The following ZFHX3 variants were observed in gnomAD, a reference collection of about 807,000 sequenced individuals.
The protein encoded by ZFHX3 is zinc finger homeobox protein 3.
Under a neutral mutation model 279.1 loss-of-function variants are expected in ZFHX3, and 42 were observed. That is an observed-to-expected ratio of 0.15 (90% CI 0.12 to 0.19). The LOEUF (loss-of-function observed/expected upper bound fraction) is 0.19, where lower values mean the gene tolerates loss of function less well. Ranked by LOEUF, ZFHX3 falls within the 10% of genes least tolerant of loss-of-function variation. The pLI, the probability that ZFHX3 is intolerant of heterozygous loss-of-function variation, is 1.00. For missense variants in ZFHX3, 4,981 were observed against 4,754.0 expected, an observed-to-expected ratio of 1.05 and a Z score of -1.40; for synonymous variants, 2,293 against 1,957.8, an observed-to-expected ratio of 1.17 and a Z score of -4.52.
intron 2 of ZFHX3, among the ~76,000 whole-genome samples, chr16:73,648,198 C>T (rs74030152): frequency 0.02 from 2,987 of 152,128 alleles, 92 homozygotes; most frequent in African/African-American, 0.068. Flanking sequence ...TATATGGATG[C>T]CGACTGATGC....
chr16:73,723,730 A>G (rs2053495563), intron 1 of ZFHX3, among the ~76,000 whole-genome samples: 2 of 152,204 alleles, frequency 1.3e-5, no homozygotes, highest in African/African-American at 2.4e-5. Context: ...TAAGCCAATG[A>G]GTTATATGAC....
chr16:73,315,906 C>T (rs2015436566), intron 4 of ZFHX3, among the ~76,000 whole-genome samples: 1 of 152,146 alleles, frequency 6.6e-6, no homozygotes, highest in South Asian at 2.1e-4. Context: ...GGTGTTGCTA[C>T]TAAAGTAGGC....
intron 1 of ZFHX3, among the ~76,000 whole-genome samples, chr16:73,700,559 T>C (rs1484180688): frequency 6.6e-6 from 1 of 152,210 alleles, no homozygotes; most frequent in Non-Finnish European, 1.5e-5. Flanking sequence ...TCACAGTAGA[T>C]TTTCTGAAAC....
chr16:73,184,753 G>C (rs1451411735), intron 5 of ZFHX3, among the ~76,000 whole-genome samples: 1 of 152,292 alleles, frequency 6.6e-6, no homozygotes, highest in East Asian at 1.9e-4. Context: ...TTCAATGTCA[G>C]TGAAACCCTA....
intron 2 of ZFHX3, among the ~76,000 whole-genome samples, chr16:73,652,218 G>A (rs557873598): frequency 1.3e-5 from 2 of 152,140 alleles, no homozygotes; most frequent in Non-Finnish European, 2.9e-5. Flanking sequence ...CAAAGTGAGG[G>A]CTCCCACATG....
intron 2 of ZFHX3, among the ~76,000 whole-genome samples, chr16:73,625,151 T>C (rs923359268): frequency 5.3e-5 from 8 of 152,228 alleles, no homozygotes; most frequent in African/African-American, 1.2e-4. Context: ...AAACATACCA[T>C]ACTTTTATTT....
intron 2 of ZFHX3, among the ~76,000 whole-genome samples, chr16:73,651,869 A>G (rs932926783): frequency 3.3e-5 from 5 of 151,432 alleles, no homozygotes; most frequent in Non-Finnish European, 7.4e-5. Flanking sequence ...AAAAAAAAAA[A>G]AGAGACAAAT....
At chr16:73,190,190 C>T (rs1967998945) in intron 5 of ZFHX3, among the ~76,000 whole-genome samples, 1 of 152,230 alleles carries the variant, frequency 6.6e-6, no homozygotes, top group South Asian at 2.1e-4. Context: ...AAGCTGCTGA[C>T]ATGTGTAATG....
At chr16:73,845,190 G>T (rs1053497700) in intron 1 of ZFHX3, among the ~76,000 whole-genome samples, 7 of 152,206 alleles carry the variant, frequency 4.6e-5, no homozygotes, top group Non-Finnish European at 1.5e-5. Flanking sequence ...CATAGGAAGT[G>T]CGTTCGTGGA....
chr16:73,177,173 GCCAA>G (rs10616305), intron 5 of ZFHX3, among the ~76,000 whole-genome samples: 40,787 of 151,670 alleles, frequency 0.27, 5,880 homozygotes, highest in East Asian at 0.4. Flanking sequence ...CAACCAACCA[GCCAA>G]CCAACCAACC....
chr16:73,472,872 C>T (rs771776031), intron 2 of ZFHX3, among the ~76,000 whole-genome samples: 5 of 152,168 alleles, frequency 3.3e-5, no homozygotes, highest in Non-Finnish European at 5.9e-5. Context: ...TCTATTGCCA[C>T]CTTGGTCCAC....
chr16:73,325,928 A>ACAAAAAC (rs1567451240), intron 3 of ZFHX3, among the ~76,000 whole-genome samples: 6 of 145,492 alleles, frequency 4.1e-5, no homozygotes, highest in Non-Finnish European at 7.6e-5. Context: ...CACACACACA[A>ACAAAAAC]ACACACACAC....
chr16:73,013,351 G>A (rs1167814083), intron 1 of ZFHX3, among the ~76,000 whole-genome samples: 1 of 152,068 alleles, frequency 6.6e-6, no homozygotes, highest in Non-Finnish European at 1.5e-5. Context: ...GCAGTAGTAC[G>A]ATGTTGGCTC....
At chr16:72,885,046 G>A (rs2038590184) in intron 4 of ZFHX3, among the ~76,000 whole-genome samples, 1 of 152,246 alleles carries the variant, frequency 6.6e-6, no homozygotes, top group Non-Finnish European at 1.5e-5. Flanking sequence ...GTTAGTTACT[G>A]TCTTTGAGAG....
chr16:72,875,981 G>C (rs1025359691), intron 4 of ZFHX3, among the ~76,000 whole-genome samples: 1 of 152,108 alleles, frequency 6.6e-6, no homozygotes, highest in African/African-American at 2.4e-5. Flanking sequence ...GTTGAAATGA[G>C]CTTATTTTTC....
rs1471003241 is a variant in ZFHX3 at position 72,794,185 on chromosome 16, CGTT to C, written c.8494_8496del (p.Asn2832del). 6.2e-7 allele frequency: 1 copy of C among 1,614,058 alleles called. No homozygotes were observed. The highest frequency in any genetic ancestry group is 8.5e-7 in the Non-Finnish European group (1 of 1,180,044). ...GCTGTGTTGACAGAGGAACAGTCAT[CGTT>C]GTCCAGCTTAGTTTGGTCAAAGTTT... is the stretch of plus-strand genomic sequence containing the variant. On this transcript the variant is annotated inframe_deletion, in exon 9 of 10. Transcript: ENST00000268489. The surrounding 1 kb of genome is among the most constrained non-coding windows in gnomAD (Gnocchi z 4.2).
At chr16:73,838,492 G>A (rs1429173450) in intron 1 of ZFHX3, among the ~76,000 whole-genome samples, 2 of 152,144 alleles carry the variant, frequency 1.3e-5, no homozygotes, top group Non-Finnish European at 2.9e-5. Flanking sequence ...ATAAGGTCCA[G>A]CACTTGGAGA....
chr16:73,277,386 GCCAGGCTCC>G (rs1321095654), intron 4 of ZFHX3, among the ~76,000 whole-genome samples: 1 of 152,162 alleles, frequency 6.6e-6, no homozygotes, highest in Non-Finnish European at 1.5e-5. Context: ...CCAGAGCAGG[GCCAGGCTCC>G]CTGGATTTTA....
chr16:73,021,713 C>A (rs1475498147), intron 1 of ZFHX3, among the ~76,000 whole-genome samples: 3 of 151,624 alleles, frequency 2.0e-5, no homozygotes, highest in Admixed American at 2.0e-4. Flanking sequence ...CACCTATAAT[C>A]CCGGCTACTC....
Sources: gnomAD v4.1 joint callset for allele counts (sites outside exome capture counted in the v4.1 genomes callset) on GRCh38, gnomAD v4.1.1 for gene constraint, Gnocchi (gnomAD v3.1) non-coding constraint, MANE v1.5 for transcripts, NCBI Gene and HGNC (gene_info 2026-07-23, HGNC 2026-07-21) for gene names.